Variants in RYR3 observed in about 807,000 individuals in gnomAD.
RYR3 encodes brain ryanodine receptor-calcium release channel.
Under a neutral mutation model 584.3 loss-of-function variants are expected in RYR3, and 207 were observed. The observed-to-expected ratio is 0.35, with a 90% CI of 0.32 to 0.40. RYR3 has a LOEUF of 0.40. Ranked by LOEUF, RYR3 falls within the 10% of genes least tolerant of loss-of-function variation. RYR3 has a pLI of 1.00. For synonymous variants in RYR3, 2,416 were observed against 2,248.5 expected, an observed-to-expected ratio of 1.07 and a Z score of -2.11; for missense variants, 5,616 against 6,089.2, an observed-to-expected ratio of 0.92 and a Z score of 2.59.
intron 67 of RYR3, among the ~76,000 whole-genome samples, chr15:33,794,190 T>C (rs1175986327): frequency 1.5e-4 from 4 of 27,312 alleles, no homozygotes; most frequent in Non-Finnish European, 5.4e-4. Context: ...TATATATAAA[T>C]ATATATTATA....
Position 33,739,912 on chromosome 15 carries a change from T to C in RYR3, c.7737T>C (p.Asp2579=). The change falls in exon 51 of 104, where the codon GAT becomes GAC. Residue 2579 remains aspartate (D), a synonymous_variant. Transcript: ENST00000634891. ...GGGCCTTGCCACCAGATTATTTAGA[T>C]ACCAGAATCACAGCCACGTTGGAGA... ...IAGALPPDYL[D]TRITATLEKQ... The C allele has an allele frequency of 6.2e-7, 1 of 1,613,804 alleles. No individual in the cohort carries two copies. Among genetic ancestry groups the C allele is most frequent in the Admixed American group, 1.7e-5 (1 of 59,994 alleles).
At chr15:33,528,451 A>C (rs1417468015) in intron 3 of RYR3, among the ~76,000 whole-genome samples, 2 of 152,126 alleles carry the variant, frequency 1.3e-5, no homozygotes, top group Non-Finnish European at 2.9e-5. Context: ...CTACTTTTAC[A>C]ATAAGGTCAT....
Position 33,838,500 on chromosome 15 carries a change from A to C in RYR3, c.12520A>C (p.Lys4174Gln). The C allele has an allele frequency of 6.2e-7, 1 of 1,613,986 alleles. No homozygotes were observed. The highest frequency in any genetic ancestry group is 2.2e-5 in the East Asian group (1 of 44,884). ...NLRKQYRNVK[K>Q]MTAKELVKVL... ...CAGGAAGCAGTACAGGAACGTGAAA[A>C]AGATGACTGCGAAGGAGCTGGTGAA... The change falls in exon 89 of 104, where the codon AAG becomes CAG. Residue 4174 changes from lysine (K) to glutamine (Q), a missense_variant. Physicochemically the swap from Lys to Gln is moderately conservative, Grantham distance 53. Around this residue, in one of 9 missense-constraint regions of RYR3, gnomAD observed 918 missense variants for 887.4 expected, o/e 1.03. Coordinates refer to ENST00000634891, the MANE Select transcript of RYR3 (RefSeq NM_001036.6).
At chr15:33,785,517 C>A (rs199919776) in intron 65 of RYR3, 145 bp from the exon 66 acceptor site, 1 of 652,316 alleles carries the variant, frequency 1.5e-6, no homozygotes, top group East Asian at 2.8e-5. Context: ...AGCTGGAGGA[C>A]AAAAGCCACT....
At chr15:33,837,034 C>A in intron 88 of RYR3, 47 bp downstream of exon 88, 1 of 1,423,788 alleles carries the variant, frequency 7.0e-7, no homozygotes, top group Non-Finnish European at 9.9e-7. Flanking sequence ...TGTAATTGGT[C>A]TGAGCACTAA....
At position 33,631,301 on chromosome 15, in the gene RYR3, ATT is replaced by A; in HGVS notation, c.2867+17_2867+18del. ...GGTCAAACTGCCCAAAAAGTAGGTG[ATT>A]TTTTTTTTAATGGTTCAAGACTTTA... On this transcript the variant is annotated intron_variant, in intron 23 of 103. Transcript: ENST00000634891. 3.6e-6 allele frequency: 5 copies of A among 1,377,930 alleles called. No individual in the cohort carries two copies. The highest frequency in any genetic ancestry group is 1.5e-5 in the African/African-American group (1 of 68,402). 85.4% of individuals were successfully genotyped at this position (1,377,930 alleles called of 1,614,324 possible). A position where few individuals can be genotyped will look rare whatever the true frequency, so the allele number is the denominator to read the frequency against.
chr15:33,635,905 C>G (rs1316862060), intron 26 of RYR3, 86 bp downstream of exon 26: 4 of 1,190,550 alleles, frequency 3.4e-6, no homozygotes, highest in Non-Finnish European at 4.8e-6. Flanking sequence ...ATTACTGGAT[C>G]TCTGGCTTCA....
chr15:33,831,026 C>T lies in RYR3; in HGVS notation c.11398C>T (p.His3800Tyr), dbSNP rs749280533. The change falls in exon 86 of 104, where the codon CAC becomes TAC. Residue 3800 changes from histidine to tyrosine, a missense_variant. His to Tyr is a moderately conservative substitution (Grantham distance 83). This residue lies in a region of RYR3 where 954 missense variants were observed against 1,132.2 expected (regional missense o/e 0.84). Coordinates refer to ENST00000634891, the MANE Select transcript of RYR3 (RefSeq NM_001036.6). ...GGACATCATTGATGAATCTGGACAG[C>T]ACAATTTTTCCAAAGCTCTGGCAGT... Reference protein sequence around the residue: ...GKDIIDESGQHNFSKALAVTK... With the variant: ...GKDIIDESGQYNFSKALAVTK... The T allele has an allele frequency of 2.5e-6, 4 of 1,613,466 alleles. No homozygotes were observed. The African/African-American group carries it at 4.0e-5, about 16-fold the overall frequency.
intron 2 of RYR3, among the ~76,000 whole-genome samples, chr15:33,495,904 GATA>G (rs2051377043): frequency 6.6e-6 from 1 of 152,140 alleles, no homozygotes; most frequent in Non-Finnish European, 1.5e-5. Flanking sequence ...ATGTGTTATC[GATA>G]ATTGATTGGA....
chr15:33,781,597 C>T (rs539806714), intron 65 of RYR3, among the ~76,000 whole-genome samples: 11 of 152,116 alleles, frequency 7.2e-5, no homozygotes, highest in African/African-American at 1.9e-4. Flanking sequence ...TATTCCCACT[C>T]GCTTCTTGTT....
intron 25 of RYR3, among the ~76,000 whole-genome samples, chr15:33,635,046 A>G (rs1180253895): frequency 6.6e-6 from 1 of 152,108 alleles, no homozygotes; most frequent in Non-Finnish European, 1.5e-5. Context: ...TTTTTATCTT[A>G]CTTGCCAAAT....
chr15:33,456,606 A>C (rs1596224746), intron 1 of RYR3, among the ~76,000 whole-genome samples: 1 of 152,216 alleles, frequency 6.6e-6, no homozygotes, highest in East Asian at 1.9e-4. Flanking sequence ...TTCCACATAG[A>C]CCATTTTTCC....
chr15:33,591,791 T>C (rs2059143544), intron 16 of RYR3, among the ~76,000 whole-genome samples: 1 of 152,192 alleles, frequency 6.6e-6, no homozygotes, highest in East Asian at 1.9e-4. Context: ...TCTCAGAAAG[T>C]ATAAATCAGG....
chr15:33,662,289 T>C lies in RYR3; in HGVS notation c.4759T>C (p.Ser1587Pro), dbSNP rs374841951. 6.2e-7 allele frequency: 1 copy of C among 1,611,236 alleles called. No homozygotes were observed. The highest frequency in any genetic ancestry group is 8.5e-7 in the Non-Finnish European group (1 of 1,178,866). The change falls in exon 35 of 104, where the codon TCC (serine) becomes CCC (proline). Residue 1587 changes from serine (S) to proline (P), a missense_variant. Ser to Pro is a moderately conservative substitution (Grantham distance 74). This residue lies in a region of RYR3 where 753 missense variants were observed against 741.0 expected (regional missense o/e 1.02). Transcript: ENST00000634891. ...AYALCSHVDL[S>P]QLFYAIDNKY... ...CGCCCTGTGCAGCCACGTGGACCTCTCCCAGCTCTTCTATGCCATTGACAA... is the reference window on the plus strand; with the variant it reads ...CGCCCTGTGCAGCCACGTGGACCTCCCCCAGCTCTTCTATGCCATTGACAA...
chr15:33,646,189 G>A (rs1179553127), intron 28 of RYR3, 162 bp from the exon 29 acceptor site: 1 of 590,018 alleles, frequency 1.7e-6, no homozygotes, highest in Non-Finnish European at 2.9e-6. Flanking sequence ...TACGGGACAA[G>A]GCCCAAGTAA....
chr15:33,575,496 A>G lies in RYR3; in HGVS notation c.1269-4480A>G, dbSNP rs187884314. Among the ~76,000 whole-genome samples, 93 of 152,264 alleles carry G rather than the reference A, an allele frequency of 6.1e-4. 1 individual carries two copies. The highest frequency in any genetic ancestry group is 1.6e-3 in the African/African-American group (67 of 41,550). On this transcript the variant is annotated intron_variant, in intron 12 of 103. Transcript: ENST00000634891. ...CACACAACTACATGGGAAGTGAACA[A>G]CCTGCTCCTGAATGACTCCTGGGTA...
At chr15:33,533,128 A>G (rs1373403637) in intron 4 of RYR3, among the ~76,000 whole-genome samples, 183 bp from the exon 5 acceptor site, 1 of 152,158 alleles carries the variant, frequency 6.6e-6, no homozygotes, top group East Asian at 1.9e-4. Flanking sequence ...AAAAATAATA[A>G]TAATAATTAA....
chr15:33,385,870 A>AT (rs1044352427), intron 1 of RYR3, among the ~76,000 whole-genome samples: 5 of 151,696 alleles, frequency 3.3e-5, no homozygotes, highest in African/African-American at 7.3e-5. Flanking sequence ...AGCCTGGCTA[A>AT]TTTTTTTAAG....
At chr15:33,320,821 G>GT (rs1968864732) in intron 1 of RYR3, among the ~76,000 whole-genome samples, 1 of 152,212 alleles carries the variant, frequency 6.6e-6, no homozygotes, top group Non-Finnish European at 1.5e-5. Context: ...CAACAAAACA[G>GT]TGTAAACATT....
Sources: gnomAD v4.1 joint callset for allele counts (sites outside exome capture counted in the v4.1 genomes callset) on GRCh38, gnomAD v4.1.1 for gene constraint, gnomAD v4.1.1 regional missense constraint, MANE v1.5 for transcripts, NCBI Gene and HGNC (gene_info 2026-07-23, HGNC 2026-07-21) for gene names.